The following UBIAD1 variants were observed in gnomAD, a reference collection of about 807,000 sequenced individuals.
UBIAD1 encodes the protein UbiA prenyltransferase domain containing 1.
Under a neutral mutation model 20.1 loss-of-function variants are expected in UBIAD1, and 12 were observed. The observed-to-expected ratio is 0.60, with a 90% CI of 0.38 to 0.97. The LOEUF (loss-of-function observed/expected upper bound fraction) is 0.97, where lower values mean the gene tolerates loss of function less well. Ranked by LOEUF, UBIAD1 falls within the 50% of genes least tolerant of loss-of-function variation. The pLI, the probability that UBIAD1 is intolerant of heterozygous loss-of-function variation, is 0.00. For synonymous variants in UBIAD1, 207 were observed against 189.2 expected, an observed-to-expected ratio of 1.09 and a Z score of -0.77; for missense variants, 333 against 419.5, an observed-to-expected ratio of 0.79 and a Z score of 1.80.
downstream of UBIAD1, among the ~76,000 whole-genome samples, chr1:11,298,660 G>A (rs1017908346): frequency 2.0e-5 from 3 of 152,086 alleles, no homozygotes; most frequent in African/African-American, 7.2e-5. The surrounding 1 kb of genome is among the most constrained non-coding windows in gnomAD (Gnocchi z 4.0). Flanking sequence ...TGGACATTTG[G>A]GGACACCTCC....
At chr1:11,290,166 G>A (rs1390925615), downstream of UBIAD1, among the ~76,000 whole-genome samples, 2 of 152,186 alleles carry the variant, frequency 1.3e-5, no homozygotes, top group Non-Finnish European at 2.9e-5. Context: ...GTGCCTGGCT[G>A]CCTTTATTTC....
intron 1 of UBIAD1, among the ~76,000 whole-genome samples, chr1:11,280,181 A>T (rs1277148978): frequency 5.3e-5 from 8 of 152,162 alleles, no homozygotes; most frequent in African/African-American, 1.9e-4. Context: ...TCTGATTGTG[A>T]TGCTGAGTCC....
intron 1 of UBIAD1, among the ~76,000 whole-genome samples, chr1:11,276,925 C>A (rs1652053951): frequency 6.6e-6 from 1 of 152,022 alleles, no homozygotes; most frequent in Non-Finnish European, 1.5e-5. Context: ...GTAGTCAGCA[C>A]CCACACCACT....
At chr1:11,296,943 C>G (rs1638458285), downstream of UBIAD1, among the ~76,000 whole-genome samples, 1 of 152,306 alleles carries the variant, frequency 6.6e-6, no homozygotes, top group South Asian at 2.1e-4. Context: ...AGCACAGTGC[C>G]TGGTACATTC....
At chr1:11,293,512 T>G (rs1180853336) in intron 1 of UBIAD1, 1 of 152,258 alleles carries the variant, frequency 6.6e-6, no homozygotes, top group African/African-American at 2.4e-5. Flanking sequence ...GAGCAGGCAG[T>G]CAGTAACTGG....
At chr1:11,290,481 G>A (rs1380744350), downstream of UBIAD1, among the ~76,000 whole-genome samples, 1 of 152,112 alleles carries the variant, frequency 6.6e-6, no homozygotes, top group Non-Finnish European at 1.5e-5. Context: ...GCCCAGTCTT[G>A]GAGCACTACC....
Position 11,287,944 on chromosome 1 carries a change from A to G in UBIAD1, c.*1813A>G, listed in dbSNP as rs977685519. On this transcript the variant is annotated 3_prime_UTR_variant, in exon 2 of 2. Transcript: ENST00000376810. ...ACTCCGTCTCAAAAAAAAAAAAAGA[A>G]AAAGAAAATTGCAAAAGTTCCTCTA... The G allele has an allele frequency of 6.6e-6, 1 of 152,020 alleles. No individual in the cohort carries two copies. The highest frequency in any genetic ancestry group is 1.5e-5 in the Non-Finnish European group (1 of 68,086). 9.4% of individuals were successfully genotyped at this position (152,020 alleles called of 1,614,324 possible). A position where few individuals can be genotyped will look rare whatever the true frequency, so the allele number is the denominator to read the frequency against.
intron 1 of UBIAD1, among the ~76,000 whole-genome samples, chr1:11,276,801 G>A (rs560912971): frequency 1.9e-4 from 28 of 149,572 alleles, no homozygotes; most frequent in African/African-American, 6.6e-4. Context: ...TACCATGTCT[G>A]TTACGTGTAA....
At chr1:11,293,064 G>A (rs1638393570), downstream of UBIAD1, among the ~76,000 whole-genome samples, 1 of 152,176 alleles carries the variant, frequency 6.6e-6, no homozygotes, top group Non-Finnish European at 1.5e-5. Flanking sequence ...CTGGGGTCAG[G>A]GAAAGGCTGT....
chr1:11,285,493 T>C lies in UBIAD1; in HGVS notation c.530-151T>C. On this transcript the variant is annotated intron_variant, in intron 1 of 1. Coordinates refer to ENST00000376810, the MANE Select transcript of UBIAD1 (RefSeq NM_013319.3). The surrounding 1 kb of genome is among the most constrained non-coding windows in gnomAD (Gnocchi z 4.4). ...CATTGGAGAAGAAATCAGAATTTGC[T>C]CTGTGGGGTTAAGGGATGAAATGAG... 1 of 1,191,642 alleles carries C rather than the reference T, an allele frequency of 8.4e-7. No homozygotes were observed. The highest frequency in any genetic ancestry group is 1.5e-5 in the African/African-American group (1 of 66,316). 73.8% of individuals were successfully genotyped at this position (1,191,642 alleles called of 1,614,324 possible). A position where few individuals can be genotyped will look rare whatever the true frequency, so the allele number is the denominator to read the frequency against.
chr1:11,288,027 G>C lies in UBIAD1; in HGVS notation c.*1896G>C, dbSNP rs1392189145. On this transcript the variant is annotated 3_prime_UTR_variant, in exon 2 of 2. Transcript: ENST00000376810. ...AGCCAGAATCTTCTAATAGTGGGCA[G>C]AGCCCAGAGACAAGGGGAAGAAAGA... 6.6e-6 allele frequency: 1 copy of C among 152,218 alleles called. No individual in the cohort carries two copies. The highest frequency in any genetic ancestry group is 1.5e-5 in the Non-Finnish European group (1 of 68,054). 9.4% of individuals were successfully genotyped at this position (152,218 alleles called of 1,614,324 possible).
chr1:11,278,180 A>G (rs2101017114), intron 1 of UBIAD1, among the ~76,000 whole-genome samples: 1 of 150,566 alleles, frequency 6.6e-6, no homozygotes, highest in African/African-American at 2.4e-5. Flanking sequence ...CTGGTCTTGA[A>G]CTCCTGGCCT....
intron 1 of UBIAD1, 131 bp downstream of exon 1, chr1:11,274,191 T>C: frequency 2.6e-6 from 3 of 1,155,594 alleles, no homozygotes; most frequent in Non-Finnish European, 2.5e-6. Context: ...AGTCTATAAT[T>C]GTGGGTGATG....
downstream of UBIAD1, among the ~76,000 whole-genome samples, chr1:11,292,928 G>T (rs1238508276): frequency 6.6e-6 from 1 of 152,144 alleles, no homozygotes; most frequent in African/African-American, 2.4e-5. Context: ...TTCAAACTGG[G>T]ACAGCCCTCC....
At position 11,285,725 on chromosome 1, in the gene UBIAD1, C is replaced by T; in HGVS notation, c.611C>T (p.Ala204Val). The T allele has an allele frequency of 6.2e-7, 1 of 1,614,176 alleles. No individual in the cohort carries two copies. The change falls in exon 2 of 2, where the codon GCC becomes GTC. Residue 204 changes from alanine to valine, a missense_variant. Coordinates refer to ENST00000376810, the MANE Select transcript of UBIAD1 (RefSeq NM_013319.3). This position sits in a 1 kb window ranked among gnomAD's most constrained non-coding sequence, Gnocchi z 4.4. ...FGPLAVMFAY[A>V]IQVGSLAIFP... is the part of the protein sequence containing the mutation. ...CCGCTGGCTGTGATGTTCGCCTACG[C>T]CATCCAGGTGGGGTCCCTGGCCATC...
At chr1:11,276,994 T>C (rs879501469) in intron 1 of UBIAD1, among the ~76,000 whole-genome samples, 1 of 151,922 alleles carries the variant, frequency 6.6e-6, no homozygotes, top group Non-Finnish European at 1.5e-5. Flanking sequence ...CCCAACACTT[T>C]GGGAGGCTGA....
Position 11,274,040 on chromosome 1 carries a change from G to T in UBIAD1, c.509G>T (p.Gly170Val), listed in dbSNP as rs1438262230. Residue 170 changes from glycine to valine, a missense_variant, in exon 1 of 2, where the codon GGC becomes GTC. Gly to Val is a moderately radical substitution (Grantham distance 109). Coordinates refer to ENST00000376810, the MANE Select transcript of UBIAD1 (RefSeq NM_013319.3). ...LALIYFGGLS[G>V]SFLYTGGIGF... ...CTTATCTACTTTGGAGGCCTGTCTG[G>T]CTCCTTTCTCTACACAGGAGGTAAG... The T allele has an allele frequency of 6.2e-7, 1 of 1,614,066 alleles. No homozygotes were observed. Among genetic ancestry groups the T allele is most frequent in the Admixed American group, 1.7e-5 (1 of 60,012 alleles).
intron 1 of UBIAD1, among the ~76,000 whole-genome samples, chr1:11,281,932 G>C (rs778522770): frequency 2.7e-4 from 41 of 152,196 alleles, no homozygotes; most frequent in Admixed American, 3.9e-4. Flanking sequence ...GCGTGTATCA[G>C]TAGTTCCTTT....
intron 1 of UBIAD1, among the ~76,000 whole-genome samples, chr1:11,277,257 C>G (rs1246508526): frequency 1.3e-5 from 2 of 150,418 alleles, no homozygotes; most frequent in African/African-American, 2.4e-5. Flanking sequence ...TTAAAAAAAT[C>G]AAACACATTT....
Sources: gnomAD v4.1 joint callset for allele counts (sites outside exome capture counted in the v4.1 genomes callset) on GRCh38, gnomAD v4.1.1 for gene constraint, Gnocchi (gnomAD v3.1) non-coding constraint, MANE v1.5 for transcripts, NCBI Gene and HGNC (gene_info 2026-07-23, HGNC 2026-07-21) for gene names.